Variants in SLC28A3 observed in about 807,000 individuals in gnomAD.
SLC28A3 encodes the protein solute carrier family 28 member 3.
In SLC28A3, 68 loss-of-function variants were observed where a neutral mutation model predicts 84.2. That is an observed-to-expected ratio of 0.81 (90% CI 0.66 to 0.99). The LOEUF (loss-of-function observed/expected upper bound fraction) is 0.99. SLC28A3 is among the 50% of genes least tolerant of loss of function. The pLI is 0.00. For missense variants in SLC28A3, 712 were observed against 841.5 expected (o/e 0.85, Z 1.90); for synonymous variants, 267 against 303.6 (o/e 0.88, Z 1.25).
At chr9:84,313,328 A>G (rs1220258275) in intron 2 of SLC28A3, 31 bp downstream of exon 2, 2 of 1,594,706 alleles carry the variant, frequency 1.3e-6, no homozygotes, top group Non-Finnish European at 8.6e-7. Context: ...CTGCCATGGT[A>G]CTAGAGTCAT....
At chr9:84,303,977 T>C (rs1177539644) in intron 4 of SLC28A3, among the ~76,000 whole-genome samples, 1 of 152,238 alleles carries the variant, frequency 6.6e-6, no homozygotes, top group Admixed American at 6.5e-5. Flanking sequence ...AAGTACTTGT[T>C]TCTGGCTTCT....
chr9:84,313,572 A>G, intron 1 of SLC28A3, 118 bp from the exon 2 acceptor site: 1 of 743,600 alleles, frequency 1.3e-6, no homozygotes, highest in Non-Finnish European at 2.2e-6. Flanking sequence ...AGGTGTTCAG[A>G]TGAAGCATCC....
intron 1 of SLC28A3, among the ~76,000 whole-genome samples, chr9:84,314,922 C>CA (rs1181796678): frequency 2.7e-4 from 41 of 152,052 alleles, no homozygotes; most frequent in Admixed American, 1.2e-3. Flanking sequence ...ACTAAAAATA[C>CA]AAACATTAGC....
intron 5 of SLC28A3, among the ~76,000 whole-genome samples, chr9:84,300,719 C>CT (rs1341991395): frequency 2.0e-5 from 3 of 152,186 alleles, no homozygotes; most frequent in Admixed American, 6.5e-5. Context: ...GAAGGAAAAG[C>CT]TCTGAGCAGT....
chr9:84,332,899 G>A (rs1322492701), intron 1 of SLC28A3, among the ~76,000 whole-genome samples: 2 of 152,150 alleles, frequency 1.3e-5, no homozygotes, highest in South Asian at 2.1e-4. Flanking sequence ...TTCCATTAGA[G>A]TAAAAGATGG....
intron 3 of SLC28A3, among the ~76,000 whole-genome samples, chr9:84,306,256 C>A (rs1455383898): frequency 6.6e-6 from 1 of 152,142 alleles, no homozygotes; most frequent in South Asian, 2.1e-4. Flanking sequence ...TTTCTCCTCC[C>A]GTATAGATGA....
At chr9:84,301,791 C>T (rs1025889384) in intron 5 of SLC28A3, among the ~76,000 whole-genome samples, 6 of 152,172 alleles carry the variant, frequency 3.9e-5, no homozygotes, top group African/African-American at 1.4e-4. Context: ...GGTGCCCTCC[C>T]ACTGACAGGT....
chr9:84,312,746 C>T (rs11140509), intron 2 of SLC28A3, among the ~76,000 whole-genome samples: 24,771 of 152,004 alleles, frequency 0.16, 2,070 homozygotes, highest in Non-Finnish European at 0.19. Context: ...ACCATGTTGG[C>T]CAGGCTGGTC....
rs151130595 is a variant in SLC28A3, at chr9:84,285,476, T to C, written c.1516A>G (p.Met506Val). 20 of 1,614,146 alleles carry C rather than the reference T, an allele frequency of 1.2e-5. No homozygotes were observed. In the African/African-American group the frequency reaches 2.1e-4, roughly 17 times the overall value. Residue 506 changes from methionine (M) to valine (V), a missense_variant, in exon 14 of 18, where the codon ATG becomes GTG. Transcript: ENST00000376238. ...MMGVEWQDSFMVARLIGYKTF... is the reference protein window; with the variant it reads ...MMGVEWQDSFVVARLIGYKTF... The stretch of plus-strand genomic sequence containing the variant: ...TTATAACCTATGAGTCTGGCAACCA[T>C]AAAGCTGTCCTGCCATTCCACTCCC...
the SLC28A3 span, among the ~76,000 whole-genome samples, chr9:84,359,226 C>T: frequency 6.6e-6 from 1 of 152,190 alleles, no homozygotes; most frequent in Non-Finnish European, 1.5e-5. Flanking sequence ...TCTAATACCT[C>T]TCCCAAATCT....
At chr9:84,307,528 T>A (rs926881299) in intron 3 of SLC28A3, among the ~76,000 whole-genome samples, 1 of 152,168 alleles carries the variant, frequency 6.6e-6, no homozygotes, top group Non-Finnish European at 1.5e-5. Flanking sequence ...TAGGTATCAC[T>A]TCATGAAATG....
chr9:84,285,612 A>T, intron 13 of SLC28A3, 70 bp from the exon 14 acceptor site: 1 of 1,498,564 alleles, frequency 6.7e-7, no homozygotes, highest in East Asian at 2.3e-5. Flanking sequence ...CTCAGTGACA[A>T]CACTGTTCCT....
At chr9:84,340,774 A>T, upstream of SLC28A3, 1 of 819,464 alleles carries the variant, frequency 1.2e-6, no homozygotes, top group Non-Finnish European at 1.9e-6. Context: ...CTTCTGCAAT[A>T]ATCTCCTGAA....
chr9:84,315,642 C>T (rs939969177), intron 1 of SLC28A3, among the ~76,000 whole-genome samples: 3 of 152,160 alleles, frequency 2.0e-5, no homozygotes, highest in Non-Finnish European at 4.4e-5. Flanking sequence ...ACAGAGTATA[C>T]GCCTTGGCCT....
At position 84,285,450 on chromosome 9, in the gene SLC28A3, C is replaced by T; in HGVS notation, c.1542G>A (p.Lys514=). The T allele has an allele frequency of 6.2e-7, 1 of 1,614,154 alleles. No homozygotes were observed. Among genetic ancestry groups the T allele is most frequent in the African/African-American group, 1.3e-5 (1 of 75,040 alleles). The change falls in exon 14 of 18, where the codon AAG becomes AAA. Residue 514 remains lysine (K), a synonymous_variant. Coordinates refer to ENST00000376238, the MANE Select transcript of SLC28A3 (RefSeq NM_001199633.2). ...AAGCCACAAATTCATTGAAGAAGGT[C>T]TTATAACCTATGAGTCTGGCAACCA... The part of the protein sequence containing the change: ...SFMVARLIGY[K]TFFNEFVAYE...
At chr9:84,302,157 T>C in intron 5 of SLC28A3, 43 bp downstream of exon 5, 1 of 1,586,116 alleles carries the variant, frequency 6.3e-7, no homozygotes, top group Non-Finnish European at 8.6e-7. Flanking sequence ...TGGAAAGGAC[T>C]ACTATCTCTC....
rs1824589332 is a variant in SLC28A3 at position 84,278,098 on chromosome 9, A to G, written c.*120T>C. 1 of 1,324,034 alleles carries G rather than the reference A, an allele frequency of 7.6e-7. No individual in the cohort carries two copies. Among genetic ancestry groups the G allele is most frequent in the South Asian group, 1.6e-5 (1 of 61,220 alleles). 82.0% of individuals were successfully genotyped at this position (1,324,034 alleles called of 1,614,324 possible). Reference sequence around the variant, plus strand: ...CTCTTGTTTTTCTTCATTCCTTGCAATTAAAGCTGATTCCATTATGGAAGC... The same window carrying G: ...CTCTTGTTTTTCTTCATTCCTTGCAGTTAAAGCTGATTCCATTATGGAAGC... On this transcript the variant is annotated 3_prime_UTR_variant, in exon 18 of 18. Coordinates refer to ENST00000376238, the MANE Select transcript of SLC28A3 (RefSeq NM_001199633.2).
chr9:84,289,417 G>T (rs1668483881), intron 11 of SLC28A3, among the ~76,000 whole-genome samples: 1 of 152,168 alleles, frequency 6.6e-6, no homozygotes, highest in South Asian at 2.1e-4. Context: ...GGGTCGGGGT[G>T]CACGCACCAG....
At chr9:84,351,112 T>C in the SLC28A3 span, among the ~76,000 whole-genome samples, 1 of 152,204 alleles carries the variant, frequency 6.6e-6, no homozygotes, top group African/African-American at 2.4e-5. Context: ...TATACAAAAA[T>C]ATTTTCTTTA....
Sources: allele counts gnomAD v4.1 joint callset (sites outside exome capture counted in the v4.1 genomes callset), GRCh38; gene constraint gnomAD v4.1.1; transcripts MANE v1.5; gene names NCBI Gene and HGNC (gene_info 2026-07-23, HGNC 2026-07-21).